UVSSA: variants seen among roughly 807,000 people sequenced by gnomAD.
The protein encoded by UVSSA is UV-stimulated scaffold protein A.
A neutral mutation model predicts 73.9 loss-of-function variants in UVSSA; 72 were observed. The observed-to-expected ratio is 0.97, with a 90% CI of 0.81 to 1.19. The LOEUF (loss-of-function observed/expected upper bound fraction) is 1.19, where lower values mean the gene tolerates loss of function less well. Ranked by LOEUF, UVSSA falls within the 50% of genes most tolerant of loss-of-function variation. The pLI, the probability that UVSSA is intolerant of heterozygous loss-of-function variation, is 0.00. For synonymous variants in UVSSA, 454 were observed against 391.3 expected (o/e 1.16, Z -1.89); for missense variants, 1,150 against 965.0 (o/e 1.19, Z -2.54).
intron 8 of UVSSA, chr4:1,375,090 C>G: frequency 4.0e-6 from 2 of 494,624 alleles, no homozygotes; most frequent in South Asian, 5.0e-5. Flanking sequence ...GCTGGCACTT[C>G]TGCAAAGCCC....
chr4:1,380,755 A>T (rs1037596301), intron 11 of UVSSA, 125 bp from the exon 12 acceptor site: 2 of 1,569,088 alleles, frequency 1.3e-6, no homozygotes, highest in Admixed American at 1.9e-5. Flanking sequence ...CAGGTTGTGT[A>T]CACTTTGGCT....
intron 3 of UVSSA, among the ~76,000 whole-genome samples, chr4:1,350,152 A>C (rs1714474114): frequency 6.6e-6 from 1 of 152,174 alleles, no homozygotes; most frequent in African/African-American, 2.4e-5. Context: ...ACAAAGGAAA[A>C]GCCAAATCCA....
chr4:1,379,599 C>CTT (rs1719195239), intron 10 of UVSSA, among the ~76,000 whole-genome samples: 1 of 152,214 alleles, frequency 6.6e-6, no homozygotes, highest in Non-Finnish European at 1.5e-5. Context: ...GTGCTACCGC[C>CTT]CTGTCCTTAC....
At chr4:1,380,369 G>A (rs1318279812) in intron 11 of UVSSA, 139 bp downstream of exon 11, 13 of 1,191,506 alleles carry the variant, frequency 1.1e-5, no homozygotes, top group Middle Eastern at 2.9e-4. Context: ...GGGCTTATCC[G>A]TGGTGGGCAG....
downstream of UVSSA, chr4:1,391,902 G>A (rs962386329): frequency 6.6e-6 from 1 of 152,228 alleles, no homozygotes; most frequent in African/African-American, 2.4e-5. Context: ...CTGTTTGAGA[G>A]GGATGTTTAA....
chr4:1,377,715 T>G (rs1718946435), intron 10 of UVSSA, among the ~76,000 whole-genome samples: 2 of 151,982 alleles, frequency 1.3e-5, no homozygotes, highest in Non-Finnish European at 2.9e-5. Flanking sequence ...GAGGACCCGG[T>G]TAGTCCTGGA....
chr4:1,381,481 C>A (rs1719496169), intron 12 of UVSSA, among the ~76,000 whole-genome samples: 1 of 152,202 alleles, frequency 6.6e-6, no homozygotes, highest in East Asian at 1.9e-4. Flanking sequence ...TGCCCAGAGG[C>A]CCTGGACAGC....
At chr4:1,371,978 G>A (rs576609878) in intron 8 of UVSSA, among the ~76,000 whole-genome samples, 5 of 152,300 alleles carry the variant, frequency 3.3e-5, no homozygotes, top group South Asian at 2.1e-4. Flanking sequence ...CTCTGCACCC[G>A]TAGCCCTCAG....
At chr4:1,383,480 C>A (rs1719737315) in intron 12 of UVSSA, among the ~76,000 whole-genome samples, 1 of 152,182 alleles carries the variant, frequency 6.6e-6, no homozygotes, top group Non-Finnish European at 1.5e-5. Context: ...AGCCCCTGCT[C>A]CCCATCTCTG....
chr4:1,374,499 GGTCC>G (rs1311224909), intron 8 of UVSSA, among the ~76,000 whole-genome samples: 1 of 152,240 alleles, frequency 6.6e-6, no homozygotes, highest in African/African-American at 2.4e-5. Context: ...TCCTTGTCCT[GGTCC>G]GGGGACCCTG....
At chr4:1,394,241 G>A in exon 14 of UVSSA, 1 of 654,384 alleles carries the variant, frequency 1.5e-6, no homozygotes, top group South Asian at 2.0e-5. Context: ...AGCGGCCACT[G>A]TGGGCATCTC....
downstream of UVSSA, chr4:1,392,745 T>G (rs1372322470): frequency 1.3e-5 from 2 of 152,250 alleles, no homozygotes; most frequent in Non-Finnish European, 2.9e-5. Flanking sequence ...GCTTCTTGGA[T>G]ATAGAGGTTA....
intron 2 of UVSSA, among the ~76,000 whole-genome samples, chr4:1,349,099 T>TACGGTTTGTGCCGGGCG (rs372080243): frequency 6.6e-6 from 1 of 151,570 alleles, no homozygotes; most frequent in African/African-American, 2.4e-5. Context: ...CCGGGCGGTG[T>TACGGTTTGTGCCGGGCG]GTGTTGCGCT....
chr4:1,361,500 A>G (rs1003819879), intron 7 of UVSSA, among the ~76,000 whole-genome samples: 7 of 152,268 alleles, frequency 4.6e-5, no homozygotes, highest in Non-Finnish European at 8.8e-5. Context: ...GGACACGCCT[A>G]TGGTGCTGTG....
chr4:1,349,708 C>T lies in UVSSA; in HGVS notation c.283C>T (p.Pro95Ser), dbSNP rs1413825619. ...EFLELTLGTD[P>S]AQPLPPPREA... Reference sequence around the variant, plus strand: ...CCTGGAGCTCACGCTGGGCACAGACCCCGCACAGCCTCTGCCGCCCCCCAG... The same window carrying T: ...CCTGGAGCTCACGCTGGGCACAGACTCCGCACAGCCTCTGCCGCCCCCCAG... The change falls in exon 3 of 14, where the codon CCC (proline) becomes TCC (serine). Residue 95 changes from proline to serine, a missense_variant. Coordinates refer to ENST00000389851, the MANE Select transcript of UVSSA (RefSeq NM_020894.4). 1.9e-6 allele frequency: 3 copies of T among 1,613,786 alleles called. No homozygotes were observed. The highest frequency in any genetic ancestry group is 2.5e-6 in the Non-Finnish European group (3 of 1,179,962).
In UVSSA at chr4:1,379,746, G is replaced by A. The variant is rs116264047; in HGVS notation, c.1569-301G>A. On this transcript the variant is annotated intron_variant, in intron 10 of 13. Transcript: ENST00000389851. The stretch of plus-strand genomic sequence containing the variant: ...AGGTGGCAGTCGTGCCCGTGGTCGC[G>A]CGGCTGGTTCACGTGGCGTCAGAAT... 2.1e-3 allele frequency among the ~76,000 whole-genome samples: 317 copies of A among 149,490 alleles called. 1 individual carries two copies. Among genetic ancestry groups the A allele is most frequent in the African/African-American group, 7.5e-3 (297 of 39,688 alleles).
chr4:1,389,532 T>G (rs1187611192), downstream of UVSSA: 2 of 152,234 alleles, frequency 1.3e-5, no homozygotes, highest in Non-Finnish European at 2.9e-5. Flanking sequence ...GCAGTATGAC[T>G]GGCTAATTTT....
chr4:1,380,363 T>C, intron 11 of UVSSA, 133 bp downstream of exon 11: 1 of 1,216,756 alleles, frequency 8.2e-7, no homozygotes, highest in South Asian at 1.6e-5. Context: ...TGGAAGGGGC[T>C]TATCCGTGGT....
At position 1,384,010 on chromosome 4, in the gene UVSSA, C is replaced by G. The variant is rs1391853870; in HGVS notation, c.2036+70C>G. On this transcript the variant is annotated intron_variant, in intron 13 of 13. Coordinates refer to ENST00000389851, the MANE Select transcript of UVSSA (RefSeq NM_020894.4). ...TGTGAGGGTGTTCGAGGGGGGCCAT[C>G]TGAGCGCCAAGATATTCCAGGGACT... is the stretch of plus-strand genomic sequence containing the variant. The G allele has an allele frequency of 2.0e-6, 3 of 1,491,104 alleles. No individual in the cohort carries two copies. The East Asian group carries it at 7.2e-5, about 36-fold the overall frequency. 92.4% of individuals were successfully genotyped at this position (1,491,104 alleles called of 1,614,324 possible).
Sources: allele counts gnomAD v4.1 joint callset (sites outside exome capture counted in the v4.1 genomes callset), GRCh38; gene constraint gnomAD v4.1.1; transcripts MANE v1.5; gene names NCBI Gene and HGNC (gene_info 2026-07-23, HGNC 2026-07-21).